Variants in TMED2 observed in about 807,000 individuals in gnomAD.
TMED2 encodes transmembrane p24 trafficking protein 2.
In TMED2, 3 loss-of-function variants were observed where a neutral mutation model predicts 17.5. The observed-to-expected ratio is 0.17, with a 90% CI of 0.08 to 0.44. The LOEUF (loss-of-function observed/expected upper bound fraction) is 0.44, where lower values mean the gene tolerates loss of function less well. TMED2 is among the 20% of genes least tolerant of loss of function. TMED2 has a pLI of 0.99. For missense variants in TMED2, 149 were observed against 254.8 expected (o/e 0.58, Z 2.83); for synonymous variants, 95 against 91.0 (o/e 1.04, Z -0.25).
At chr12:123,585,098 C>T in intron 1 of TMED2, 1 of 379,042 alleles carries the variant, frequency 2.6e-6, no homozygotes, top group Non-Finnish European at 4.9e-6. Context: ...CTGTTGGAAC[C>T]TCTCGCTGAG....
At chr12:123,590,808 A>ATC (rs1453402017) in intron 3 of TMED2, among the ~76,000 whole-genome samples, 37 of 151,822 alleles carry the variant, frequency 2.4e-4, no homozygotes, top group Admixed American at 1.3e-4. Flanking sequence ...ACATGGTGAA[A>ATC]CCTCGTCTCT....
At chr12:123,590,100 T>C (rs1953380179) in intron 2 of TMED2, among the ~76,000 whole-genome samples, 1 of 151,812 alleles carries the variant, frequency 6.6e-6, no homozygotes, top group South Asian at 2.1e-4. Context: ...CTGACCAACA[T>C]GGTGAAACCC....
chr12:123,594,373 A>G (rs994935955), intron 3 of TMED2, among the ~76,000 whole-genome samples: 1 of 151,556 alleles, frequency 6.6e-6, no homozygotes, highest in Admixed American at 6.6e-5. Context: ...TGACCTCGTG[A>G]TCCACCCGCC....
chr12:123,596,688 T>C lies in TMED2; in HGVS notation c.565T>C (p.Tyr189His). 1.9e-6 allele frequency: 3 copies of C among 1,611,228 alleles called. No individual in the cohort carries two copies. Among genetic ancestry groups the C allele is most frequent in the Non-Finnish European group, 2.5e-6 (3 of 1,178,952 alleles). Residue 189 changes from tyrosine to histidine, a missense_variant, in exon 4 of 4, where the codon TAC becomes CAC. Physicochemically the swap from Tyr to His is moderately conservative, Grantham distance 83. Transcript: ENST00000262225. Reference protein sequence around the residue: ...VLVAMTLGQIYYLKRFFEVRR... With the variant: ...VLVAMTLGQIHYLKRFFEVRR... ...AGTTGCCATGACATTGGGACAGATC[T>C]ACTACCTGAAGAGATTTTTTGAAGT...
chr12:123,593,929 G>A (rs1953411527), intron 3 of TMED2, among the ~76,000 whole-genome samples: 1 of 151,710 alleles, frequency 6.6e-6, no homozygotes, highest in Non-Finnish European at 1.5e-5. Context: ...CCAAGTAGCT[G>A]GAACTACAGG....
chr12:123,585,047 A>G, intron 1 of TMED2: 1 of 532,270 alleles, frequency 1.9e-6, no homozygotes, highest in Non-Finnish European at 3.3e-6. Context: ...CTCCTTCGGC[A>G]TGCTTGGTTG....
chr12:123,586,597 G>T (rs146539578), intron 1 of TMED2, 150 bp from the exon 2 acceptor site: 84,130 of 640,998 alleles, frequency 0.13, 6,306 homozygotes, highest in African/African-American at 0.23. Flanking sequence ...TGATCTGCCT[G>T]CCTTGGCCTC....
Position 123,586,947 on chromosome 12 carries a change from G to T in TMED2, c.373+8G>T. On this transcript the variant is annotated splice_region_variant and intron_variant, in intron 2 of 3. Coordinates refer to ENST00000262225, the MANE Select transcript of TMED2 (RefSeq NM_006815.4). Reference sequence around the variant, plus strand: ...AAGATATGGAAACAGAAGGTGAGATGAACATTCAGAAGATTTACATCACAT... The same window carrying T: ...AAGATATGGAAACAGAAGGTGAGATTAACATTCAGAAGATTTACATCACAT... The T allele has an allele frequency of 3.2e-6, 5 of 1,576,054 alleles. No individual in the cohort carries two copies. The highest frequency in any genetic ancestry group is 1.2e-5 in the South Asian group (1 of 86,792).
In TMED2 at chr12:123,596,595, T is replaced by G; in HGVS notation, c.482-10T>G. On this transcript the variant is annotated splice_polypyrimidine_tract_variant and intron_variant, in intron 3 of 3. Transcript: ENST00000262225. ...TGTTAAATTTTGTTTGTTTGTTTTG[T>G]CCTCAACAGTCAACGACAACACAAA... 6.3e-7 allele frequency: 1 copy of G among 1,591,262 alleles called. No individual in the cohort carries two copies. The highest frequency in any genetic ancestry group is 2.3e-5 in the East Asian group (1 of 44,440).
Position 123,588,146 on chromosome 12 carries a change from T to G in TMED2, c.373+1207T>G, listed in dbSNP as rs116056046. Among the ~76,000 whole-genome samples, 1,156 of 152,202 alleles carry G rather than the reference T, an allele frequency of 7.6e-3. 16 individuals are homozygous for G. Among genetic ancestry groups the G allele is most frequent in the African/African-American group, 0.027 (1,114 of 41,522 alleles). On this transcript the variant is annotated intron_variant, in intron 2 of 3. Coordinates refer to ENST00000262225, the MANE Select transcript of TMED2 (RefSeq NM_006815.4). Reference sequence around the variant, plus strand: ...TAAACCCTGATTGGTTCTTGGTGGTTCTGGATAAATTGCTTACCGGGAGCC... The same window carrying G: ...TAAACCCTGATTGGTTCTTGGTGGTGCTGGATAAATTGCTTACCGGGAGCC...
rs786421 is a variant in TMED2 at position 123,598,316 on chromosome 12, G to A, written c.*1587G>A. On this transcript the variant is annotated 3_prime_UTR_variant, in exon 4 of 4. Transcript: ENST00000262225. ...AATGGTACCAAGTTTTAGTTTCTGCGTAGGTTTTCCAGTGTGGCTTCTCTG... is the reference window on the plus strand; with the variant it reads ...AATGGTACCAAGTTTTAGTTTCTGCATAGGTTTTCCAGTGTGGCTTCTCTG... The A allele has an allele frequency of 0.99, 150,667 of 152,292 alleles. 74,552 individuals are homozygous for A. The highest frequency in any genetic ancestry group is 1 in the Middle Eastern group (294 of 294). 9.4% of individuals were successfully genotyped at this position (152,292 alleles called of 1,614,324 possible).
intron 3 of TMED2, 104 bp downstream of exon 3, chr12:123,590,553 T>A: frequency 1.2e-6 from 1 of 842,532 alleles, no homozygotes; most frequent in Non-Finnish European, 1.8e-6. Flanking sequence ...AAATTTTATG[T>A]GAAAGCATTG....
chr12:123,596,016 C>G (rs1232581743), intron 3 of TMED2, among the ~76,000 whole-genome samples: 3 of 152,014 alleles, frequency 2.0e-5, no homozygotes, highest in Non-Finnish European at 4.4e-5. Context: ...ACAGAGCAAA[C>G]AAAAAAGTCT....
Position 123,590,418 on chromosome 12 carries a change from C to T in TMED2, c.450C>T (p.Tyr150=), listed in dbSNP as rs148915587. ...CAGCTGTAAAGCACGAACAGGAATA[C>T]ATGGAAGTCCGGGAGAGAATACACA... The part of the protein sequence containing the change: ...AMTAVKHEQE[Y]MEVRERIHRA... Residue 150 remains tyrosine (Y), a synonymous_variant, in exon 3 of 4, where the codon TAC becomes TAT. Transcript: ENST00000262225. 6.2e-7 allele frequency: 1 copy of T among 1,608,238 alleles called. No individual in the cohort carries two copies. The highest frequency in any genetic ancestry group is 8.5e-7 in the Non-Finnish European group (1 of 1,176,434).
intron 2 of TMED2, among the ~76,000 whole-genome samples, chr12:123,588,110 G>T (rs1397588904): frequency 6.6e-6 from 1 of 151,602 alleles, no homozygotes; most frequent in African/African-American, 2.4e-5. Flanking sequence ...CATTGCTCAG[G>T]TTACCAGTAA....
intron 3 of TMED2, among the ~76,000 whole-genome samples, chr12:123,596,164 A>G (rs189393221): frequency 3.3e-5 from 5 of 152,380 alleles, no homozygotes; most frequent in Non-Finnish European, 1.5e-5. Flanking sequence ...GAAACTGAGC[A>G]TCAAGTACCC....
At chr12:123,585,782 T>G (rs1196320174) in intron 1 of TMED2, 1 of 152,270 alleles carries the variant, frequency 6.6e-6, no homozygotes, top group African/African-American at 2.4e-5. Context: ...ACAGCTGATT[T>G]GTAGCAGACT....
rs746319848 is a variant in TMED2, at chr12:123,590,354, A to G, written c.386A>G (p.Lys129Arg). ...AATCCTTCTATAGCTCACCAGAACAAGCTAGAAGAAATGATCAATGAGCTA... is the reference window on the plus strand; with the variant it reads ...AATCCTTCTATAGCTCACCAGAACAGGCTAGAAGAAATGATCAATGAGCTA... ...QDMETEAHQN[K>R]LEEMINELAV... Residue 129 changes from lysine to arginine, a missense_variant, in exon 3 of 4, where the codon AAG (lysine) becomes AGG (arginine). By Grantham distance (26) the Lys-to-Arg change is conservative (BLOSUM62 2). Coordinates refer to ENST00000262225, the MANE Select transcript of TMED2 (RefSeq NM_006815.4). 6.2e-7 allele frequency: 1 copy of G among 1,606,248 alleles called. No homozygotes were observed. Among genetic ancestry groups the G allele is most frequent in the South Asian group, 1.1e-5 (1 of 90,814 alleles).
chr12:123,593,744 C>T (rs1593640848), intron 3 of TMED2, among the ~76,000 whole-genome samples: 2 of 152,116 alleles, frequency 1.3e-5, no homozygotes, highest in Admixed American at 1.3e-4. Context: ...GTGATCCACC[C>T]GCCTTGGCCT....
Sources: gnomAD v4.1 joint callset for allele counts (sites outside exome capture counted in the v4.1 genomes callset) on GRCh38, gnomAD v4.1.1 for gene constraint, MANE v1.5 for transcripts, NCBI Gene and HGNC (gene_info 2026-07-23, HGNC 2026-07-21) for gene names.